LRRIQ1: variants seen among roughly 807,000 people sequenced by gnomAD.
LRRIQ1 encodes the protein leucine rich repeats and IQ motif containing 1.
In LRRIQ1, 210 loss-of-function variants were observed where a neutral mutation model predicts 211.9. The observed-to-expected ratio is 0.99, with a 90% CI of 0.89 to 1.11. LRRIQ1 has a LOEUF of 1.11. Among genes scored for constraint, LRRIQ1 ranks in the 50% most tolerant of loss-of-function variants. The probability of loss-of-function intolerance (pLI) is 0.00; values close to 1 mark genes in which losing one functional copy is unlikely to be tolerated. For missense variants in LRRIQ1, 2,136 were observed against 1,939.5 expected, an observed-to-expected ratio of 1.10 and a Z score of -1.90; for synonymous variants, 699 against 650.1, an observed-to-expected ratio of 1.08 and a Z score of -1.14.
intron 24 of LRRIQ1, among the ~76,000 whole-genome samples, chr12:85,181,626 A>G (rs1010816173): frequency 6.6e-6 from 1 of 152,004 alleles, no homozygotes; most frequent in African/African-American, 2.4e-5. Flanking sequence ...ACATTTTATC[A>G]TCACACAAAT....
intron 24 of LRRIQ1, among the ~76,000 whole-genome samples, chr12:85,209,996 T>G (rs975088998): frequency 6.6e-6 from 1 of 152,156 alleles, no homozygotes; most frequent in Admixed American, 6.5e-5. Flanking sequence ...TGAATGACAT[T>G]TTAAAATGTT....
chr12:85,230,797 C>G (rs934124347), intron 25 of LRRIQ1, among the ~76,000 whole-genome samples: 12 of 152,154 alleles, frequency 7.9e-5, no homozygotes. Context: ...CGCCTGTAAT[C>G]CCAGCACTTT....
intron 26 of LRRIQ1, among the ~76,000 whole-genome samples, chr12:85,243,647 A>G (rs1349873945): frequency 6.6e-6 from 1 of 151,396 alleles, no homozygotes; most frequent in Non-Finnish European, 1.5e-5. Context: ...TGTACATGAT[A>G]CATGTATACA....
chr12:85,218,867 A>G lies in LRRIQ1; in HGVS notation c.4823-10650A>G, dbSNP rs550614254. Among the ~76,000 whole-genome samples the G allele has an allele frequency of 7.9e-5, 12 of 152,270 alleles. No homozygotes were observed. In the South Asian group the frequency reaches 2.1e-3, roughly 26 times the overall value. On this transcript the variant is annotated intron_variant, in intron 24 of 26. Coordinates refer to ENST00000393217, the MANE Select transcript of LRRIQ1 (RefSeq NM_001079910.2). ...ATTTTTCCTTTTGCATCAGGCTTCAATACAACTTGGCATAACACTGTTACT... is the reference window on the plus strand; with the variant it reads ...ATTTTTCCTTTTGCATCAGGCTTCAGTACAACTTGGCATAACACTGTTACT...
chr12:85,209,828 C>T (rs1316071682), intron 24 of LRRIQ1, among the ~76,000 whole-genome samples: 2 of 152,032 alleles, frequency 1.3e-5, no homozygotes, highest in Non-Finnish European at 2.9e-5. Context: ...CAATTACCCT[C>T]ATTTTTTTGG....
At chr12:85,272,135 C>T in the LRRIQ1 span, among the ~76,000 whole-genome samples, 3,398 of 152,152 alleles carry the variant, frequency 0.022, 123 homozygotes, top group African/African-American at 0.078. Context: ...CCCAAAGAAG[C>T]TAATATACCT....
chr12:85,071,833 A>C (rs771245926), intron 10 of LRRIQ1, among the ~76,000 whole-genome samples: 1 of 152,006 alleles, frequency 6.6e-6, no homozygotes, highest in African/African-American at 2.4e-5. Context: ...ATTCACTACC[A>C]CAAAAACAGT....
At chr12:85,162,775 C>T (rs1409674332) in intron 24 of LRRIQ1, 14 of 455,664 alleles carry the variant, frequency 3.1e-5, no homozygotes, top group Non-Finnish European at 5.3e-5. Context: ...AATTTTGTTT[C>T]GTTTGCTTTC....
intron 25 of LRRIQ1, among the ~76,000 whole-genome samples, chr12:85,230,929 G>A (rs1253783029): frequency 2.0e-5 from 3 of 151,962 alleles, no homozygotes; most frequent in Admixed American, 6.6e-5. Context: ...GGCGCCTGTA[G>A]TCCCAGCTAC....
chr12:85,226,460 T>C (rs1182781418), intron 24 of LRRIQ1, among the ~76,000 whole-genome samples: 2 of 151,908 alleles, frequency 1.3e-5, no homozygotes, highest in African/African-American at 4.8e-5. Context: ...ATGCAGTGTG[T>C]AGCAATGCCA....
At chr12:85,058,237 A>G (rs1177497509) in intron 8 of LRRIQ1, among the ~76,000 whole-genome samples, 1 of 152,042 alleles carries the variant, frequency 6.6e-6, no homozygotes, top group Non-Finnish European at 1.5e-5. Flanking sequence ...GAACTGGGAC[A>G]TACACTTTTA....
At chr12:85,170,106 T>A (rs1891340604) in intron 24 of LRRIQ1, among the ~76,000 whole-genome samples, 1 of 152,016 alleles carries the variant, frequency 6.6e-6, no homozygotes, top group Non-Finnish European at 1.5e-5. Flanking sequence ...ATAAGGTAGA[T>A]TCAGGGAATG....
intron 24 of LRRIQ1, among the ~76,000 whole-genome samples, chr12:85,197,936 T>TA (rs1448223095): frequency 1.2e-4 from 13 of 109,620 alleles, no homozygotes; most frequent in Non-Finnish European, 2.4e-4. Context: ...AATATAATTA[T>TA]ATATATTTAT....
chr12:85,267,028 T>A (rs2137353589), downstream of LRRIQ1, among the ~76,000 whole-genome samples: 1 of 152,240 alleles, frequency 6.6e-6, no homozygotes, highest in Non-Finnish European at 1.5e-5. Flanking sequence ...CATAATTTCC[T>A]TGTGGAGGCC....
chr12:85,134,251 A>T (rs1405978075), intron 18 of LRRIQ1, among the ~76,000 whole-genome samples: 1 of 152,156 alleles, frequency 6.6e-6, no homozygotes, highest in African/African-American at 2.4e-5. Context: ...CATAGGCTCC[A>T]TTATGCACAT....
chr12:85,219,808 T>C (rs1490898381), intron 24 of LRRIQ1, among the ~76,000 whole-genome samples: 1 of 152,170 alleles, frequency 6.6e-6, no homozygotes, highest in Non-Finnish European at 1.5e-5. Flanking sequence ...GGGATGTTGC[T>C]TGTCACACAC....
chr12:85,111,390 A>T (rs1292340264), intron 15 of LRRIQ1, among the ~76,000 whole-genome samples: 1 of 152,200 alleles, frequency 6.6e-6, no homozygotes, highest in East Asian at 1.9e-4. Context: ...GAGAGGCTAG[A>T]AAAGGTAAAG....
rs556570785 is a variant in LRRIQ1, at chr12:85,228,470, T to C, written c.4823-1047T>C. 8.5e-5 allele frequency among the ~76,000 whole-genome samples: 13 copies of C among 152,224 alleles called. No individual in the cohort carries two copies. In the South Asian group the frequency reaches 2.7e-3, roughly 32 times the overall value. ...CTGAAGTCATTTTAGAAACATAAGG[T>C]CGCATAAGAAGCAATAGGAACTTTA... On this transcript the variant is annotated intron_variant, in intron 24 of 26. Transcript: ENST00000393217.
In LRRIQ1 at chr12:85,128,286, A is replaced by T. The variant is rs867495660; in HGVS notation, c.4209+253A>T. On this transcript the variant is annotated intron_variant, in intron 18 of 26. Coordinates refer to ENST00000393217, the MANE Select transcript of LRRIQ1 (RefSeq NM_001079910.2). ...ATTGCATGACTGAGGGTCAAGCTGG[A>T]CCACACAACCATATTTAAAACTTCT... 3.9e-5 allele frequency among the ~76,000 whole-genome samples: 6 copies of T among 152,276 alleles called. 1 individual carries two copies. The Middle Eastern group carries it at 0.014, about 345-fold the overall frequency.
Sources: allele counts gnomAD v4.1 joint callset (sites outside exome capture counted in the v4.1 genomes callset), GRCh38; gene constraint gnomAD v4.1.1; transcripts MANE v1.5; gene names NCBI Gene and HGNC (gene_info 2026-07-23, HGNC 2026-07-21).